Variants in EPHA4 observed in about 807,000 individuals in gnomAD.
The protein encoded by EPHA4 is ephrin type-A receptor 4.
A neutral mutation model predicts 108.3 loss-of-function variants in EPHA4; 19 were observed. That is an observed-to-expected ratio of 0.18 (90% CI 0.12 to 0.26). The LOEUF (loss-of-function observed/expected upper bound fraction) is 0.26. EPHA4 is among the 10% of genes least tolerant of loss of function. The probability of loss-of-function intolerance (pLI) is 1.00; values close to 1 mark genes in which losing one functional copy is unlikely to be tolerated. For missense variants in EPHA4, 917 were observed against 1,254.0 expected (o/e 0.73, Z 4.06); for synonymous variants, 449 against 455.5 (o/e 0.99, Z 0.18).
chr2:221,502,631 T>G (rs2106158896), intron 3 of EPHA4: 1 of 470,404 alleles, frequency 2.1e-6, no homozygotes, highest in African/African-American at 2.0e-5. Context: ...CTGTATGGCT[T>G]CCAGCTGAAG....
At chr2:221,490,796 C>T (rs894750838) in intron 4 of EPHA4, among the ~76,000 whole-genome samples, 2 of 152,166 alleles carry the variant, frequency 1.3e-5, no homozygotes, top group South Asian at 2.1e-4. Flanking sequence ...CCATGCTTCC[C>T]CTGACATTTG....
At chr2:221,512,834 G>A (rs1158631552) in intron 3 of EPHA4, among the ~76,000 whole-genome samples, 3 of 152,102 alleles carry the variant, frequency 2.0e-5, no homozygotes, top group African/African-American at 7.2e-5. Flanking sequence ...TATTTATTGA[G>A]CACATACTAA....
intron 17 of EPHA4, among the ~76,000 whole-genome samples, chr2:221,422,552 G>A (rs1180863052): frequency 6.6e-6 from 1 of 152,112 alleles, no homozygotes; most frequent in African/African-American, 2.4e-5. Flanking sequence ...AGAAATGATT[G>A]GACATTTGAA....
At chr2:221,531,392 C>T (rs2106183145) in intron 3 of EPHA4, among the ~76,000 whole-genome samples, 1 of 152,112 alleles carries the variant, frequency 6.6e-6, no homozygotes, top group Non-Finnish European at 1.5e-5. Flanking sequence ...GTCAGCATGC[C>T]TGGGACTCAA....
intron 3 of EPHA4, among the ~76,000 whole-genome samples, chr2:221,549,393 A>T (rs927896175): frequency 2.0e-5 from 3 of 152,188 alleles, no homozygotes; most frequent in Non-Finnish European, 4.4e-5. Context: ...GTCTCCAAAC[A>T]GTTATTTCTT....
At chr2:221,559,555 C>A (rs975067272) in intron 3 of EPHA4, among the ~76,000 whole-genome samples, 1 of 151,988 alleles carries the variant, frequency 6.6e-6, no homozygotes, top group African/African-American at 2.4e-5. Context: ...TGTTAAAAAA[C>A]AAATAATAAA....
At chr2:221,538,613 A>C (rs1180475642) in intron 3 of EPHA4, among the ~76,000 whole-genome samples, 1 of 152,166 alleles carries the variant, frequency 6.6e-6, no homozygotes, top group East Asian at 1.9e-4. Context: ...TGAACCTGTA[A>C]GTTTATGCTG....
At chr2:221,563,222 G>T (rs1432065823) in intron 3 of EPHA4, among the ~76,000 whole-genome samples, 1 of 152,232 alleles carries the variant, frequency 6.6e-6, no homozygotes, top group African/African-American at 2.4e-5. Flanking sequence ...GGTCCACAAG[G>T]CAGAAAGAAA....
intron 5 of EPHA4, among the ~76,000 whole-genome samples, chr2:221,480,532 CA>C (rs1265077424): frequency 6.6e-6 from 1 of 152,106 alleles, no homozygotes; most frequent in Non-Finnish European, 1.5e-5. Flanking sequence ...TGCATTCTTC[CA>C]AAAGAGAACT....
intron 17 of EPHA4, among the ~76,000 whole-genome samples, chr2:221,424,476 CAAAA>C (rs201109701): frequency 7.1e-6 from 1 of 140,128 alleles, no homozygotes; most frequent in African/African-American, 2.6e-5. Flanking sequence ...TGAAATAACT[CAAAA>C]AAAAAAAAAG....
At chr2:221,499,009 T>A (rs558230780) in intron 4 of EPHA4, among the ~76,000 whole-genome samples, 1 of 151,460 alleles carries the variant, frequency 6.6e-6, no homozygotes, top group Non-Finnish European at 1.5e-5. Context: ...CAGGCTGGTC[T>A]TGAACTCCTG....
At chr2:221,510,812 G>C (rs1310866164) in intron 3 of EPHA4, among the ~76,000 whole-genome samples, 1 of 152,150 alleles carries the variant, frequency 6.6e-6, no homozygotes, top group Admixed American at 6.5e-5. Context: ...TTTCTCTTTG[G>C]TGAGTTTGGA....
intron 4 of EPHA4, among the ~76,000 whole-genome samples, chr2:221,492,690 G>T (rs72963175): frequency 0.052 from 7,941 of 152,280 alleles, 290 homozygotes; most frequent in Non-Finnish European, 0.079. Flanking sequence ...AGCAGCATAC[G>T]TTGACGGCTG....
chr2:221,573,106 G>C (rs1022330456), upstream of EPHA4: 1 of 152,612 alleles, frequency 6.6e-6, no homozygotes, highest in Non-Finnish European at 1.5e-5. The surrounding 1 kb of genome is among the most constrained non-coding windows in gnomAD (Gnocchi z 4.5). Context: ...GGAACCAGTT[G>C]TGGATTTCCC....
chr2:221,565,456 T>C (rs1694601445), intron 2 of EPHA4, among the ~76,000 whole-genome samples: 1 of 152,206 alleles, frequency 6.6e-6, no homozygotes, highest in Admixed American at 6.5e-5. Context: ...TCAGCTTAAG[T>C]ATTTAACAAA....
chr2:221,435,558 G>A lies in EPHA4; in HGVS notation c.2346+841C>T, dbSNP rs188806141. Among the ~76,000 whole-genome samples the A allele has an allele frequency of 1.3e-3, 194 of 152,216 alleles. 1 individual carries two copies. Among genetic ancestry groups the A allele is most frequent in the African/African-American group, 4.5e-3 (187 of 41,542 alleles). Reference sequence around the variant, plus strand: ...GGATTGCAGATGCAAAATGAAGAGTGTTAAAAGGGGAAAATGGCTGGTAAC... The same window carrying A: ...GGATTGCAGATGCAAAATGAAGAGTATTAAAAGGGGAAAATGGCTGGTAAC... On this transcript the variant is annotated intron_variant, in intron 13 of 17. Coordinates refer to ENST00000281821, the MANE Select transcript of EPHA4 (RefSeq NM_004438.5).
chr2:221,571,248 CCA>C lies in EPHA4; in HGVS notation c.91+908_91+909del, dbSNP rs1172116005. Among the ~76,000 whole-genome samples, 2 of 141,292 alleles carry C rather than the reference CCA, an allele frequency of 1.4e-5. No homozygotes were observed. The highest frequency in any genetic ancestry group is 3.0e-5 in the Non-Finnish European group (2 of 66,088). 92.7% of individuals were successfully genotyped at this position (141,292 alleles called of 152,430 possible). ...ACACACGCAGACATGCACACACACA[CCA>C]CACATACACACACACACACACACAG... On this transcript the variant is annotated intron_variant, in intron 1 of 17. Coordinates refer to ENST00000281821, the MANE Select transcript of EPHA4 (RefSeq NM_004438.5). The surrounding 1 kb of genome is among the most constrained non-coding windows in gnomAD (Gnocchi z 6.3).
At chr2:221,453,441 T>C (rs1690844616) in intron 8 of EPHA4, among the ~76,000 whole-genome samples, 2 of 152,302 alleles carry the variant, frequency 1.3e-5, no homozygotes, top group South Asian at 4.1e-4. Flanking sequence ...CCGGTGGTTA[T>C]ATGCACAGCA....
At chr2:221,566,738 A>G (rs1694640496) in intron 2 of EPHA4, among the ~76,000 whole-genome samples, 1 of 150,978 alleles carries the variant, frequency 6.6e-6, no homozygotes. Flanking sequence ...TTTTGTGTCT[A>G]GAAAAAGTGA....
Sources: gnomAD v4.1 joint callset for allele counts (sites outside exome capture counted in the v4.1 genomes callset) on GRCh38, gnomAD v4.1.1 for gene constraint, Gnocchi (gnomAD v3.1) non-coding constraint, MANE v1.5 for transcripts, NCBI Gene and HGNC (gene_info 2026-07-23, HGNC 2026-07-21) for gene names.